The following DCLK2 variants were observed in gnomAD, a reference collection of about 807,000 sequenced individuals.
DCLK2 encodes serine/threonine-protein kinase DCLK2.
In DCLK2, 31 loss-of-function variants were observed where a neutral mutation model predicts 78.4. That is an observed-to-expected ratio of 0.40 (90% confidence interval 0.30 to 0.53). DCLK2 has a LOEUF of 0.53. DCLK2 is among the 20% of genes least tolerant of loss of function. DCLK2 has a pLI of 0.61. For missense variants in DCLK2, 872 were observed against 973.7 expected, an observed-to-expected ratio of 0.90 and a Z score of 1.39; for synonymous variants, 407 against 374.9, an observed-to-expected ratio of 1.09 and a Z score of -0.99.
rs1430606652 is a variant in DCLK2, at chr4:150,175,063, TTTA to T, written c.757-18073_757-18071del. Among the ~76,000 whole-genome samples the T allele has an allele frequency of 8.7e-3, 114 of 13,158 alleles. 28 individuals are homozygous for T. The highest frequency in any genetic ancestry group is 0.017 in the African/African-American group (88 of 5,134). The allele number at this position is 13,158 out of a possible 152,430, so 8.6% of individuals were successfully genotyped here. A position where few individuals can be genotyped will look rare whatever the true frequency, so the allele number is the denominator to read the frequency against. On this transcript the variant is annotated intron_variant, in intron 2 of 15. Transcript: ENST00000296550. Reference sequence around the variant, plus strand: ...ATATATTTATATATTTATATATATATTTATATATATTTATATATTTATATATAT... The same window carrying T: ...ATATATTTATATATTTATATATATATTATATATTTATATATTTATATATAT...
chr4:150,154,173 A>G (rs752874241), intron 2 of DCLK2, among the ~76,000 whole-genome samples: 20 of 152,218 alleles, frequency 1.3e-4, no homozygotes, highest in Non-Finnish European at 1.5e-4. Context: ...GACCTGGTTC[A>G]TAAGGGCTCC....
chr4:150,172,374 C>T (rs1409900704), intron 2 of DCLK2, among the ~76,000 whole-genome samples: 4 of 151,728 alleles, frequency 2.6e-5, no homozygotes, highest in Admixed American at 2.0e-4. Context: ...GAGGCCGAGG[C>T]GGGTGGATTA....
chr4:150,253,647 G>A, intron 15 of DCLK2: 1 of 1,267,628 alleles, frequency 7.9e-7, no homozygotes, highest in South Asian at 1.3e-5. Context: ...CCGCCGTCCG[G>A]CTCTCAGCTG....
At chr4:150,174,753 T>C (rs1484495704) in intron 2 of DCLK2, among the ~76,000 whole-genome samples, 1 of 151,242 alleles carries the variant, frequency 6.6e-6, no homozygotes, top group Non-Finnish European at 1.5e-5. Flanking sequence ...TCCCAGCACT[T>C]TGGGAGGCTG....
intron 9 of DCLK2, 54 bp from the exon 10 acceptor site, chr4:150,232,628 C>A (rs2126571993): frequency 6.3e-7 from 1 of 1,585,154 alleles, no homozygotes; most frequent in Non-Finnish European, 8.6e-7. Context: ...TCTTTCTTAC[C>A]TTCATAGGAT....
intron 2 of DCLK2, among the ~76,000 whole-genome samples, chr4:150,121,835 A>C (rs963481149): frequency 2.6e-5 from 4 of 152,230 alleles, no homozygotes; most frequent in African/African-American, 4.8e-5. Flanking sequence ...GCTAGCAGGC[A>C]TGAAAACAAC....
rs1364029104 is a variant in DCLK2, at chr4:150,256,771, A to C, written c.*524A>C. On this transcript the variant is annotated 3_prime_UTR_variant, in exon 16 of 16. Coordinates refer to ENST00000296550, the MANE Select transcript of DCLK2 (RefSeq NM_001040260.4). ...GAGAGGTGATATGGGGGCTAAGAGG[A>C]CTGGCTTTCTAATAGAAGAAGTGAG... is the stretch of plus-strand genomic sequence containing the variant. 2 of 152,028 alleles carry C rather than the reference A, an allele frequency of 1.3e-5. No individual in the cohort carries two copies. The highest frequency in any genetic ancestry group is 2.4e-5 in the African/African-American group (1 of 41,250). 9.4% of individuals were successfully genotyped at this position (152,028 alleles called of 1,614,324 possible).
intron 2 of DCLK2, among the ~76,000 whole-genome samples, chr4:150,106,305 A>C (rs1449745434): frequency 1.3e-5 from 2 of 152,194 alleles, no homozygotes; most frequent in African/African-American, 4.8e-5. Flanking sequence ...AAACCTTTAA[A>C]TGAGCAGTGC....
rs1733727266 is a variant in DCLK2, at chr4:150,136,939, CA to C, written c.756+34132del. Among the ~76,000 whole-genome samples, 3 of 149,162 alleles carry C rather than the reference CA, an allele frequency of 2.0e-5. No individual in the cohort carries two copies. In the South Asian group the frequency reaches 6.4e-4, roughly 32 times the overall value. On this transcript the variant is annotated intron_variant, in intron 2 of 15. Coordinates refer to ENST00000296550, the MANE Select transcript of DCLK2 (RefSeq NM_001040260.4). ...AGAACCTAGCATATAACTGTAATTC[CA>C]AAAATGTATTTATTTCTCATCTTTT...
chr4:150,235,372 T>A (rs1184554393), intron 10 of DCLK2, among the ~76,000 whole-genome samples: 2 of 152,146 alleles, frequency 1.3e-5, no homozygotes, highest in East Asian at 1.9e-4. Context: ...ATTTAAAAAA[T>A]TTAAGAGTAA....
intron 7 of DCLK2, among the ~76,000 whole-genome samples, chr4:150,222,994 C>T (rs1420731029): frequency 6.6e-6 from 1 of 152,088 alleles, no homozygotes; most frequent in Non-Finnish European, 1.5e-5. Context: ...GGCTGCTATC[C>T]TTCCCATTCT....
intron 9 of DCLK2, 62 bp downstream of exon 9, chr4:150,232,518 C>G (rs1303034307): frequency 1.9e-6 from 3 of 1,587,488 alleles, no homozygotes; most frequent in Admixed American, 3.5e-5. Flanking sequence ...CCTTGAAGGA[C>G]CTAATCAGAA....
At chr4:150,080,714 T>A (rs183377591) in intron 1 of DCLK2, among the ~76,000 whole-genome samples, 1 of 152,376 alleles carries the variant, frequency 6.6e-6, no homozygotes, top group Admixed American at 6.5e-5. Context: ...ATATACTTTC[T>A]CGTCTACGAT....
intron 2 of DCLK2, among the ~76,000 whole-genome samples, chr4:150,121,184 G>T (rs925385704): frequency 3.7e-5 from 3 of 80,744 alleles, no homozygotes; most frequent in Non-Finnish European, 7.6e-5. Flanking sequence ...GTTGCTGAAG[G>T]TGGGGGTGGC....
chr4:150,254,178 C>T (rs1744397636), intron 15 of DCLK2, among the ~76,000 whole-genome samples: 3 of 152,190 alleles, frequency 2.0e-5, no homozygotes, highest in Non-Finnish European at 4.4e-5. Context: ...GCCGAGAAGC[C>T]GCCGTCACTC....
At chr4:150,218,047 C>T (rs1317779945) in intron 5 of DCLK2, among the ~76,000 whole-genome samples, 1 of 151,920 alleles carries the variant, frequency 6.6e-6, no homozygotes, top group Non-Finnish European at 1.5e-5. Flanking sequence ...GTTGCTCGCT[C>T]TCACTCTCGC....
intron 1 of DCLK2, among the ~76,000 whole-genome samples, chr4:150,100,694 C>A (rs1730825295): frequency 1.3e-5 from 2 of 152,042 alleles, no homozygotes; most frequent in African/African-American, 4.8e-5. Flanking sequence ...CTGTTTTGCC[C>A]ATTAATGCAT....
intron 8 of DCLK2, among the ~76,000 whole-genome samples, chr4:150,229,652 C>G (rs982807078): frequency 6.6e-6 from 1 of 152,144 alleles, no homozygotes; most frequent in Non-Finnish European, 1.5e-5. Flanking sequence ...CCATTCCTCT[C>G]TCTTTGTACG....
chr4:150,079,595 G>A, intron 1 of DCLK2, 147 bp downstream of exon 1: 5 of 855,904 alleles, frequency 5.8e-6, no homozygotes, highest in Non-Finnish European at 8.5e-6. Context: ...GATTGGCTGG[G>A]GGTGGGGGCC....
Sources: gnomAD v4.1 joint callset for allele counts (sites outside exome capture counted in the v4.1 genomes callset) on GRCh38, gnomAD v4.1.1 for gene constraint, MANE v1.5 for transcripts, NCBI Gene and HGNC (gene_info 2026-07-23, HGNC 2026-07-21) for gene names.